The following NUDT3 variants were observed in gnomAD, a reference collection of about 807,000 sequenced individuals.
The protein encoded by NUDT3 is diphosphoinositol polyphosphate phosphohydrolase 1.
A neutral mutation model predicts 23.6 loss-of-function variants in NUDT3; 9 were observed. The ratio of observed to expected loss-of-function variants is 0.38; its 90% CI spans 0.23 to 0.66. The LOEUF is 0.66. Ranked by LOEUF, NUDT3 falls within the 30% of genes least tolerant of loss-of-function variation. The pLI is 0.52. For synonymous variants in NUDT3, 86 were observed against 82.6 expected (o/e 1.04, Z -0.22); for missense variants, 172 against 218.5 (o/e 0.79, Z 1.34).
At chr6:34,299,417 G>A (rs190504799) in intron 2 of NUDT3, among the ~76,000 whole-genome samples, 51 of 152,024 alleles carry the variant, frequency 3.4e-4, no homozygotes, top group East Asian at 2.5e-3. Context: ...AAAATAATCT[G>A]AACAATTGCC....
At chr6:34,379,946 G>C (rs983366297) in intron 1 of NUDT3, among the ~76,000 whole-genome samples, 1 of 151,662 alleles carries the variant, frequency 6.6e-6, no homozygotes, top group Non-Finnish European at 1.5e-5. Context: ...GGTGGAGGTT[G>C]CAACAAGCTG....
At chr6:34,360,972 T>A (rs1281863893) in intron 1 of NUDT3, among the ~76,000 whole-genome samples, 10 of 152,102 alleles carry the variant, frequency 6.6e-5, no homozygotes, top group Admixed American at 6.6e-4. Context: ...CTTATAATCC[T>A]AGCACTTTGA....
In NUDT3 at chr6:34,352,684, C is replaced by T. The variant is rs539337380; in HGVS notation, c.100-10712G>A. Among the ~76,000 whole-genome samples the T allele has an allele frequency of 2.3e-4, 35 of 152,278 alleles. No homozygotes were observed. The South Asian group carries it at 7.0e-3, about 31-fold the overall frequency. On this transcript the variant is annotated intron_variant, in intron 1 of 4. Coordinates refer to ENST00000607016, the MANE Select transcript of NUDT3 (RefSeq NM_006703.4). ...TAAACTCAAGGGCAGGTATTGTGTT[C>T]CCAAGGTAGCATGAACTTATTAACC...
intron 2 of NUDT3, among the ~76,000 whole-genome samples, chr6:34,325,702 T>A (rs538714254): frequency 1.3e-5 from 2 of 152,294 alleles, no homozygotes; most frequent in African/African-American, 4.8e-5. Context: ...GAATAAATTA[T>A]CAGAATAAGA....
At chr6:34,329,209 G>T (rs908389208) in intron 2 of NUDT3, among the ~76,000 whole-genome samples, 10 of 152,040 alleles carry the variant, frequency 6.6e-5, no homozygotes, top group South Asian at 2.1e-4. Flanking sequence ...TATATATATA[G>T]AGAGATATAC....
In NUDT3 at chr6:34,284,433, T is replaced by C. The variant is rs984719064; in HGVS notation, c.*4320A>G. 1.6e-4 allele frequency: 25 copies of C among 152,080 alleles called. No homozygotes were observed. The highest frequency in any genetic ancestry group is 5.6e-4 in the African/African-American group (23 of 41,398). The allele number at this position is 152,080 out of a possible 1,614,324, so 9.4% of individuals were successfully genotyped here. On this transcript the variant is annotated 3_prime_UTR_variant, in exon 5 of 5. Coordinates refer to ENST00000607016, the MANE Select transcript of NUDT3 (RefSeq NM_006703.4). ...GCAATTCTAAATCCGCCCTTGATATTAGAGAATATTAAAATCACACAGTTG... is the reference window on the plus strand; with the variant it reads ...GCAATTCTAAATCCGCCCTTGATATCAGAGAATATTAAAATCACACAGTTG...
At chr6:34,310,335 GC>G (rs1763751924) in intron 2 of NUDT3, among the ~76,000 whole-genome samples, 2 of 151,926 alleles carry the variant, frequency 1.3e-5, no homozygotes, top group Admixed American at 6.6e-5. Flanking sequence ...TTCAGGACCA[GC>G]CTGGCCAACA....
rs1043533107 is a variant in NUDT3 at position 34,372,858 on chromosome 6, T to C, written c.99+19406A>G. On this transcript the variant is annotated intron_variant, in intron 1 of 4. Coordinates refer to ENST00000607016, the MANE Select transcript of NUDT3 (RefSeq NM_006703.4). ...ATTGGAGAAAAATAAACCAATAATT[T>C]ATCAATTACTGGTCAATAATACTAT... 8.5e-5 allele frequency among the ~76,000 whole-genome samples: 13 copies of C among 152,052 alleles called. No homozygotes were observed. The East Asian group carries it at 2.5e-3, about 30-fold the overall frequency.
At chr6:34,303,197 ATTTTTTTTTTTTTTTT>A (rs55915428) in intron 2 of NUDT3, among the ~76,000 whole-genome samples, 1 of 74,506 alleles carries the variant, frequency 1.3e-5, no homozygotes, top group Non-Finnish European at 2.5e-5. Context: ...ATACCTGGCA[ATTTTTTTTTTTTTTTT>A]TTTTTTTTTT....
At chr6:34,324,465 C>T (rs1763993049) in intron 2 of NUDT3, among the ~76,000 whole-genome samples, 1 of 152,096 alleles carries the variant, frequency 6.6e-6, no homozygotes, top group South Asian at 2.1e-4. Flanking sequence ...AGTGCAGTGG[C>T]ATGATCATAG....
At chr6:34,304,788 G>A (rs1763653280) in intron 2 of NUDT3, among the ~76,000 whole-genome samples, 1 of 150,606 alleles carries the variant, frequency 6.6e-6, no homozygotes, top group Non-Finnish European at 1.5e-5. Flanking sequence ...AGCCTCCTGA[G>A]TAGCTGGGAC....
intron 1 of NUDT3, among the ~76,000 whole-genome samples, chr6:34,363,426 C>T (rs1764679092): frequency 6.6e-6 from 1 of 152,180 alleles, no homozygotes; most frequent in Non-Finnish European, 1.5e-5. Flanking sequence ...GACTTAACTG[C>T]TCATCCACCG....
At chr6:34,340,924 C>T (rs1037463593) in intron 2 of NUDT3, among the ~76,000 whole-genome samples, 3 of 152,032 alleles carry the variant, frequency 2.0e-5, no homozygotes, top group Non-Finnish European at 4.4e-5. Flanking sequence ...CTTGGATATT[C>T]CAAGGGTAAG....
chr6:34,356,018 CA>C (rs199975795), intron 1 of NUDT3, among the ~76,000 whole-genome samples: 1,613 of 152,170 alleles, frequency 0.011, 13 homozygotes, highest in Middle Eastern at 0.034. Context: ...GGGACAATCT[CA>C]AGAGAGAAAG....
intron 1 of NUDT3, among the ~76,000 whole-genome samples, chr6:34,358,564 C>T (rs1034835438): frequency 1.1e-4 from 17 of 152,126 alleles, no homozygotes; most frequent in African/African-American, 3.6e-4. Context: ...TAATTCCACA[C>T]ATAAGCACAA....
In NUDT3 at chr6:34,364,540, A is replaced by G. The variant is rs1382988938; in HGVS notation, c.100-22568T>C. ...AACAACAACAACAACAACGGAACAA[A>G]TCTAAACAACGGGAAGTCATACATA... On this transcript the variant is annotated intron_variant, in intron 1 of 4. Coordinates refer to ENST00000607016, the MANE Select transcript of NUDT3 (RefSeq NM_006703.4). Among the ~76,000 whole-genome samples the G allele has an allele frequency of 2.0e-5, 3 of 152,138 alleles. No individual in the cohort carries two copies. The East Asian group carries it at 5.8e-4, about 29-fold the overall frequency.
chr6:34,331,476 G>A (rs1186173980), intron 2 of NUDT3, among the ~76,000 whole-genome samples: 1 of 152,064 alleles, frequency 6.6e-6, no homozygotes, highest in Non-Finnish European at 1.5e-5. Flanking sequence ...AAAGATACAG[G>A]GAAATCTAAG....
intron 1 of NUDT3, among the ~76,000 whole-genome samples, chr6:34,358,665 T>C (rs1165609324): frequency 1.3e-5 from 2 of 152,180 alleles, no homozygotes; most frequent in Admixed American, 6.5e-5. Context: ...CCTGGCCAGA[T>C]GCCCAGCTAG....
chr6:34,376,254 TTTC>T (rs1311634738), intron 1 of NUDT3, among the ~76,000 whole-genome samples: 3 of 151,020 alleles, frequency 2.0e-5, no homozygotes, highest in African/African-American at 7.3e-5. Flanking sequence ...ATCTTTTTTT[TTTC>T]TTTTCTTGAG....
Sources: allele counts gnomAD v4.1 joint callset (sites outside exome capture counted in the v4.1 genomes callset), GRCh38; gene constraint gnomAD v4.1.1; transcripts MANE v1.5; gene names NCBI Gene and HGNC (gene_info 2026-07-23, HGNC 2026-07-21).